HTR3B: variants seen among roughly 807,000 people sequenced by gnomAD.
HTR3B encodes 5-hydroxytryptamine (serotonin) receptor 3B, ionotropic.
A neutral mutation model predicts 42.8 loss-of-function variants in HTR3B; 44 were observed. The observed-to-expected ratio is 1.03, with a 90% confidence interval of 0.81 to 1.32. HTR3B has a LOEUF of 1.32. Among genes scored for constraint, HTR3B ranks in the 40% most tolerant of loss-of-function variants. The probability of loss-of-function intolerance (pLI) is 0.00; values close to 1 mark genes in which losing one functional copy is unlikely to be tolerated. For synonymous variants in HTR3B, 203 were observed against 209.0 expected (o/e 0.97, Z 0.25); for missense variants, 527 against 536.5 (o/e 0.98, Z 0.17).
At chr11:113,932,145 A>T in intron 4 of HTR3B, 144 bp from the exon 5 acceptor site, 1 of 693,780 alleles carries the variant, frequency 1.4e-6, no homozygotes, top group Non-Finnish European at 2.5e-6. Context: ...TGCCAGGGTG[A>T]ATCATCTCAT....
chr11:113,902,218 G>T (rs938510824), upstream of HTR3B, among the ~76,000 whole-genome samples: 2 of 152,138 alleles, frequency 1.3e-5, no homozygotes, highest in East Asian at 3.9e-4. Context: ...ATAGTACAAA[G>T]AATTCCCCTA....
At chr11:113,937,149 T>C (rs2137530714) in intron 6 of HTR3B, among the ~76,000 whole-genome samples, 1 of 152,234 alleles carries the variant, frequency 6.6e-6, no homozygotes, top group African/African-American at 2.4e-5. Context: ...GAGCTGTAGG[T>C]AGGGGCAGTT....
chr11:113,922,791 G>C lies in HTR3B; in HGVS notation c.214-8593G>C, dbSNP rs1456993802. On this transcript the variant is annotated intron_variant, in intron 2 of 8. Transcript: ENST00000260191. ...GGGATGGTCTCAATCTCCTCACCTCGTGATCCGCCTGCCTTGGCCTCCCAA... is the reference window on the plus strand; with the variant it reads ...GGGATGGTCTCAATCTCCTCACCTCCTGATCCGCCTGCCTTGGCCTCCCAA... Among the ~76,000 whole-genome samples the C allele has an allele frequency of 5.3e-5, 8 of 152,106 alleles. No individual in the cohort carries two copies. In the East Asian group the frequency reaches 1.5e-3, roughly 29 times the overall value.
chr11:113,924,579 T>TG (rs749145269), intron 2 of HTR3B, among the ~76,000 whole-genome samples: 33 of 143,672 alleles, frequency 2.3e-4, no homozygotes, highest in Admixed American at 6.9e-4. Context: ...GAGCCATGAT[T>TG]GTGCCACTGC....
chr11:113,929,503 A>G (rs1298059388), intron 2 of HTR3B, among the ~76,000 whole-genome samples: 1 of 152,066 alleles, frequency 6.6e-6, no homozygotes, highest in African/African-American at 2.4e-5. Context: ...AAGGCCACCA[A>G]TCCTATGAGA....
Position 113,932,929 on chromosome 11 carries a change from T to TG in HTR3B, c.539-7_539-6insG. 1 of 1,612,980 alleles carries TG rather than the reference T, an allele frequency of 6.2e-7. No homozygotes were observed. Among genetic ancestry groups the TG allele is most frequent in the Non-Finnish European group, 8.5e-7 (1 of 1,179,554 alleles). ...CTGGGAAAGTCAATTGTTTGTGTTG[T>TG]TTGCAGTGGAAGACGTAGACCTGGC... is the stretch of plus-strand genomic sequence containing the variant. On this transcript the variant is annotated splice_polypyrimidine_tract_variant and splice_region_variant and intron_variant, in intron 5 of 8. Coordinates refer to ENST00000260191, the MANE Select transcript of HTR3B (RefSeq NM_006028.5).
chr11:113,933,138 CT>C (rs777117077), intron 6 of HTR3B, 45 bp downstream of exon 6: 56 of 1,582,702 alleles, frequency 3.5e-5, no homozygotes, highest in Non-Finnish European at 4.7e-5. Context: ...TCTCCCCAGC[CT>C]TTGGCCTTCT....
chr11:113,928,684 G>A (rs1397150316), intron 2 of HTR3B, among the ~76,000 whole-genome samples: 1 of 152,054 alleles, frequency 6.6e-6, no homozygotes, highest in Non-Finnish European at 1.5e-5. Context: ...TTACAGGTGT[G>A]CGCTACCACT....
chr11:113,899,605 T>C, the HTR3B span, among the ~76,000 whole-genome samples: 1 of 152,256 alleles, frequency 6.6e-6, no homozygotes, highest in Non-Finnish European at 1.5e-5. Context: ...TTGAACTAAT[T>C]GCATTTGCAT....
chr11:113,932,508 A>G (rs1950046599), intron 5 of HTR3B, 50 bp downstream of exon 5: 1 of 1,376,704 alleles, frequency 7.3e-7, no homozygotes, highest in African/African-American at 1.4e-5. Flanking sequence ...ACATAGGTGA[A>G]ATGATATTAT....
intron 2 of HTR3B, among the ~76,000 whole-genome samples, chr11:113,917,953 T>C (rs1408772137): frequency 2.0e-5 from 3 of 152,204 alleles, no homozygotes; most frequent in Non-Finnish European, 4.4e-5. Context: ...AACGCTCCAC[T>C]TCATCTCTGA....
Position 113,945,963 on chromosome 11 carries a change from GC to G in HTR3B, c.1153del (p.Leu385PhefsTer60), listed in dbSNP as rs757164282. ...GAACCCTGAAGGAAGTCTGGTCGCAGCTTCAATCTATCAGCAACTACCTCCA... is the reference window on the plus strand; with the variant it reads ...GAACCCTGAAGGAAGTCTGGTCGCAGTTCAATCTATCAGCAACTACCTCCA... ...PGTLKEVWSQLQSISNYLQTQ... is the reference protein window; with the variant it reads ...PGTLKEVWSQXQSISNYLQTQ... On this transcript the variant is annotated frameshift_variant, in exon 9 of 9. Coordinates refer to ENST00000260191, the MANE Select transcript of HTR3B (RefSeq NM_006028.5). LOFTEE classifies it low-confidence loss of function (END_TRUNC). 20 of 1,614,052 alleles carry G rather than the reference GC, an allele frequency of 1.2e-5. No individual in the cohort carries two copies. Among genetic ancestry groups the G allele is most frequent in the Non-Finnish European group, 5.9e-6 (7 of 1,180,042 alleles).
intron 8 of HTR3B, 63 bp downstream of exon 8, chr11:113,944,818 T>C: frequency 6.6e-7 from 1 of 1,516,892 alleles, no homozygotes; most frequent in Non-Finnish European, 9.1e-7. Context: ...TTCATTCCCG[T>C]TGATGATGTA....
At chr11:113,934,461 GAAAGAAAGAAA>G (rs1295304105) in intron 6 of HTR3B, among the ~76,000 whole-genome samples, 7 of 151,672 alleles carry the variant, frequency 4.6e-5, no homozygotes, top group Non-Finnish European at 7.4e-5. Flanking sequence ...AAGAAGGAAA[GAAAGAAAGAAA>G]AAAGAAAGAA....
chr11:113,911,819 G>T (rs777673325), intron 2 of HTR3B, among the ~76,000 whole-genome samples: 18 of 152,224 alleles, frequency 1.2e-4, no homozygotes, highest in South Asian at 2.1e-4. Context: ...ATGAGCCACG[G>T]TGCCCGGCCA....
chr11:113,938,684 T>C, intron 6 of HTR3B, among the ~76,000 whole-genome samples: 1 of 152,322 alleles, frequency 6.6e-6, no homozygotes, highest in Non-Finnish European at 1.5e-5. Context: ...AACTATATGA[T>C]GAAATTAGAG....
Position 113,948,092 on chromosome 11 carries a change from T to C in HTR3B, c.*1955T>C. Among the ~76,000 whole-genome samples the C allele has an allele frequency of 6.6e-6, 1 of 152,138 alleles. No homozygotes were observed. Among genetic ancestry groups the C allele is most frequent in the East Asian group, 1.9e-4 (1 of 5,192 alleles). ...GCGCCAATTGTCCATGAAATTCCAC[T>C]GCTGCTGTTAATGAAATGAGGAACA... On this transcript the variant is annotated 3_prime_UTR_variant, in exon 9 of 9. Transcript: ENST00000260191.
chr11:113,940,137 T>A (rs1329206614), intron 6 of HTR3B, among the ~76,000 whole-genome samples: 1 of 152,146 alleles, frequency 6.6e-6, no homozygotes, highest in African/African-American at 2.4e-5. Context: ...TCCACCCGCG[T>A]TGGCCTCCCA....
intron 2 of HTR3B, among the ~76,000 whole-genome samples, chr11:113,928,613 C>T (rs1169454963): frequency 1.3e-5 from 2 of 152,188 alleles, no homozygotes; most frequent in Admixed American, 6.5e-5. Flanking sequence ...TCTTGGCTCA[C>T]TGCAACCTCC....
Sources: gnomAD v4.1 joint callset for allele counts (sites outside exome capture counted in the v4.1 genomes callset) on GRCh38, gnomAD v4.1.1 for gene constraint, MANE v1.5 for transcripts, NCBI Gene and HGNC (gene_info 2026-07-23, HGNC 2026-07-21) for gene names.